FN1: variants seen among roughly 807,000 people sequenced by gnomAD.
The protein encoded by FN1 is fibronectin 1.
A neutral mutation model predicts 297.3 loss-of-function variants in FN1; 106 were observed. The observed-to-expected ratio is 0.36, with a 90% CI of 0.30 to 0.42. The LOEUF (loss-of-function observed/expected upper bound fraction) is 0.42, where lower values mean the gene tolerates loss of function less well. Among genes scored for constraint, FN1 ranks in the 10% least tolerant of loss-of-function variants. The pLI, the probability that FN1 is intolerant of heterozygous loss-of-function variation, is 1.00. For missense variants in FN1, 2,690 were observed against 3,124.9 expected, an observed-to-expected ratio of 0.86 and a Z score of 3.32; for synonymous variants, 1,149 against 1,152.6, an observed-to-expected ratio of 1.00 and a Z score of 0.06.
rs113380561 is a variant in FN1, at chr2:215,370,716, A to G, written c.6715-284T>C. Among the ~76,000 whole-genome samples, 421 of 152,206 alleles carry G rather than the reference A, an allele frequency of 2.8e-3. 2 individuals carry two copies. Among genetic ancestry groups the G allele is most frequent in the African/African-American group, 9.5e-3 (395 of 41,510 alleles). ...TCGACAATACTAGAGACGGCCTGCC[A>G]TTGATCTTGCTTCAGTCGCAGGTCT... On this transcript the variant is annotated intron_variant, in intron 40 of 45. Coordinates refer to ENST00000354785, the MANE Select transcript of FN1 (RefSeq NM_212482.4).
At position 215,373,394 on chromosome 2, in the gene FN1, C is replaced by G. The variant is rs767081660; in HGVS notation, c.6175G>C (p.Glu2059Gln). ...ATITGLEPGT[E>Q]YTIYVIALKN... is the part of the protein sequence containing the mutation. ...AGGGCAATGACATAAATTGTATATT[C>G]GGTTCCCGGTTCCAGGCCTGAAGGG... is the stretch of plus-strand genomic sequence containing the variant. Residue 2059 changes from glutamate (E) to glutamine (Q), a missense_variant, in exon 39 of 46, where the codon GAA (glutamate) becomes CAA (glutamine). Glu to Gln is a conservative substitution (Grantham distance 29, BLOSUM62 2). Transcript: ENST00000354785. The G allele has an allele frequency of 6.2e-7, 1 of 1,612,666 alleles. No homozygotes were observed. The highest frequency in any genetic ancestry group is 1.3e-5 in the African/African-American group (1 of 74,838).
intron 21 of FN1, among the ~76,000 whole-genome samples, 157 bp downstream of exon 21, chr2:215,399,100 G>A (rs775679131): frequency 2.6e-5 from 4 of 152,196 alleles, no homozygotes; most frequent in Non-Finnish European, 5.9e-5. Flanking sequence ...GGCAGGGAAG[G>A]ACTGTTAGGC....
intron 10 of FN1, chr2:215,421,028 G>A: frequency 2.0e-6 from 1 of 508,866 alleles, no homozygotes; most frequent in Admixed American, 3.1e-5. Context: ...CTTTTGCAGA[G>A]GTTACAGTAT....
chr2:215,428,625 C>G (rs1191993310), intron 5 of FN1, among the ~76,000 whole-genome samples: 1 of 152,196 alleles, frequency 6.6e-6, no homozygotes, highest in African/African-American at 2.4e-5. Flanking sequence ...ACTTCATTCT[C>G]TGGCATTATA....
chr2:215,384,608 G>T, intron 29 of FN1: 1 of 441,900 alleles, frequency 2.3e-6, no homozygotes, highest in Non-Finnish European at 4.1e-6. Flanking sequence ...TAATATGTTT[G>T]TGAATTTACA....
chr2:215,404,295 T>A, intron 20 of FN1, 94 bp downstream of exon 20: 1 of 1,337,422 alleles, frequency 7.5e-7, no homozygotes, highest in Admixed American at 1.8e-5. Context: ...ACTAATTTTT[T>A]AATGTTTTTT....
rs545090052 is a variant in FN1 at position 215,431,176 on chromosome 2, A to G, written c.548-324T>C. ...GTATCTAGTCTGTGGGAGACTACATATGCAAAATTCCAATCTTAATTATAA... is the reference window on the plus strand; with the variant it reads ...GTATCTAGTCTGTGGGAGACTACATGTGCAAAATTCCAATCTTAATTATAA... On this transcript the variant is annotated intron_variant, in intron 4 of 45. Transcript: ENST00000354785. Among the ~76,000 whole-genome samples, 6 of 152,362 alleles carry G rather than the reference A, an allele frequency of 3.9e-5. No individual in the cohort carries two copies. The East Asian group carries it at 9.6e-4, about 24-fold the overall frequency.
At chr2:215,420,956 TC>T in intron 10 of FN1, 155 bp from the exon 11 acceptor site, 1 of 810,034 alleles carries the variant, frequency 1.2e-6, no homozygotes, top group South Asian at 1.6e-5. Flanking sequence ...AACATTTTTT[TC>T]AAAGTTTGGT....
chr2:215,401,674 TCAGACTC>T (rs761471560), intron 20 of FN1, among the ~76,000 whole-genome samples: 2 of 152,150 alleles, frequency 1.3e-5, no homozygotes, highest in Admixed American at 6.5e-5. Context: ...TAAAAAGTGT[TCAGACTC>T]CAGTCTCAAC....
rs530687020 is a variant in FN1, at chr2:215,386,630, A to T, written c.4612+59T>A. ...GACAGACAACAGCAAGCTACTTTAC[A>T]GAATCTACCAACTGGGTAGGAAAGT... On this transcript the variant is annotated intron_variant, in intron 28 of 45. Coordinates refer to ENST00000354785, the MANE Select transcript of FN1 (RefSeq NM_212482.4). The T allele has an allele frequency of 1.0e-5, 15 of 1,463,358 alleles. No individual in the cohort carries two copies. The African/African-American group carries it at 2.2e-4, about 22-fold the overall frequency. 90.6% of individuals were successfully genotyped at this position (1,463,358 alleles called of 1,614,324 possible). A position where few individuals can be genotyped will look rare whatever the true frequency, so the allele number is the denominator to read the frequency against.
chr2:215,411,771 A>T (rs1010937443), intron 13 of FN1, among the ~76,000 whole-genome samples: 18 of 149,884 alleles, frequency 1.2e-4, no homozygotes, highest in African/African-American at 4.4e-4. Flanking sequence ...GTTTCAAGCG[A>T]TTCTCCTGCC....
At chr2:215,378,505 T>C (rs2057705673) in intron 34 of FN1, among the ~76,000 whole-genome samples, 1 of 151,618 alleles carries the variant, frequency 6.6e-6, no homozygotes, top group South Asian at 2.1e-4. Flanking sequence ...ATACTTAAAC[T>C]AAGCTGGTAA....
rs2058475008 is a variant in FN1, at chr2:215,383,413, A to G, written c.4965T>C (p.Pro1655=). 6.2e-7 allele frequency: 1 copy of G among 1,614,102 alleles called. No individual in the cohort carries two copies. The highest frequency in any genetic ancestry group is 8.5e-7 in the Non-Finnish European group (1 of 1,179,988). The change falls in exon 31 of 46, where the codon CCT becomes CCC. Residue 1655 remains proline (P), a synonymous_variant. Coordinates refer to ENST00000354785, the MANE Select transcript of FN1 (RefSeq NM_212482.4). ...TGTAACCAGTAACAGGGGAACTTGA[A>G]GGCAGCCACTTGACACTAATGCTGT... ...QDNSISVKWL[P]SSSPVTGYRV...
rs1230129741 is a variant in FN1, at chr2:215,383,443, C to CTGA, written c.4932_4934dup (p.Val1644_Gln1645insHis). The CTGA allele has an allele frequency of 1.2e-6, 2 of 1,614,118 alleles. No homozygotes were observed. Among genetic ancestry groups the CTGA allele is most frequent in the South Asian group, 2.2e-5 (2 of 91,080 alleles). ...GCCACTTGACACTAATGCTGTTGTCCTGAACATCGGTCACTTGCATCTGGG... is the reference window on the plus strand; with the variant it reads ...GCCACTTGACACTAATGCTGTTGTCCTGATGAACATCGGTCACTTGCATCTGGG... On this transcript the variant is annotated inframe_insertion, in exon 31 of 46. Coordinates refer to ENST00000354785, the MANE Select transcript of FN1 (RefSeq NM_212482.4).
At chr2:215,388,362 C>T (rs894181706) in intron 26 of FN1, 61 bp from the exon 27 acceptor site, 24 of 1,161,252 alleles carry the variant, frequency 2.1e-5, no homozygotes, top group African/African-American at 1.1e-4. Flanking sequence ...AACTAAAGCA[C>T]GCCCAGGACT....
chr2:215,388,057 T>A (rs971258052), intron 27 of FN1, among the ~76,000 whole-genome samples, 155 bp downstream of exon 27: 1 of 152,202 alleles, frequency 6.6e-6, no homozygotes, highest in Non-Finnish European at 1.5e-5. Context: ...ATCTTTTAGT[T>A]TTTGAGACCA....
chr2:215,414,651 C>A (rs969485499), intron 13 of FN1, 186 bp downstream of exon 13: 2 of 1,342,992 alleles, frequency 1.5e-6, no homozygotes, highest in African/African-American at 1.5e-5. Context: ...AAACCAAAAC[C>A]AAAATCCCCT....
chr2:215,425,683 G>C (rs2065200454), intron 6 of FN1, among the ~76,000 whole-genome samples: 1 of 152,010 alleles, frequency 6.6e-6, no homozygotes, highest in Admixed American at 6.5e-5. Context: ...CTCCCAAGTA[G>C]CTGCAATTAC....
At position 215,361,991 on chromosome 2, in the gene FN1, C is replaced by T; in HGVS notation, c.7340G>A (p.Arg2447Lys). Residue 2447 changes from arginine (R) to lysine (K), a missense_variant, in exon 45 of 46, where the codon AGA becomes AAA. Physicochemically the swap from Arg to Lys is conservative, Grantham distance 26. Transcript: ENST00000354785. ...TACAGTGTTTGTTCTCTGATGGTAT[C>T]TCTGAGAATACTGGTTGTAGGACTG... ...TGQSYNQYSQ[R>K]YHQRTNTNVN... 2 of 1,613,354 alleles carry T rather than the reference C, an allele frequency of 1.2e-6. No individual in the cohort carries two copies. The highest frequency in any genetic ancestry group is 1.7e-4 in the Middle Eastern group (1 of 6,014).
Sources: gnomAD v4.1 joint callset for allele counts (sites outside exome capture counted in the v4.1 genomes callset) on GRCh38, gnomAD v4.1.1 for gene constraint, MANE v1.5 for transcripts, NCBI Gene and HGNC (gene_info 2026-07-23, HGNC 2026-07-21) for gene names.